Variants in ELMO1 observed in about 807,000 individuals in gnomAD.
ELMO1 encodes the protein engulfment and cell motility protein 1.
ELMO1 carries 26 observed loss-of-function variants against 98.9 expected under a neutral mutation model. The ratio of observed to expected loss-of-function variants is 0.26; its 90% CI spans 0.19 to 0.36. The LOEUF (loss-of-function observed/expected upper bound fraction) is 0.36, where lower values mean the gene tolerates loss of function less well. Among genes scored for constraint, ELMO1 ranks in the 10% least tolerant of loss-of-function variants. The pLI is 1.00. For synonymous variants in ELMO1, 346 were observed against 346.0 expected (o/e 1.00, Z 0.00); for missense variants, 627 against 935.2 (o/e 0.67, Z 4.30).
chr7:37,207,680 T>C (rs1034152878), intron 13 of ELMO1, among the ~76,000 whole-genome samples: 2 of 151,460 alleles, frequency 1.3e-5, no homozygotes, highest in Non-Finnish European at 2.9e-5. Context: ...TAGTGCCTCA[T>C]GCTTGTAATC....
intron 1 of ELMO1, among the ~76,000 whole-genome samples, chr7:37,412,291 C>T (rs558380886): frequency 1.3e-5 from 2 of 152,292 alleles, no homozygotes; most frequent in East Asian, 3.9e-4. Flanking sequence ...GGAGCCAGGG[C>T]GTTTGTGGGG....
At chr7:37,161,455 A>C (rs1789196620) in intron 13 of ELMO1, among the ~76,000 whole-genome samples, 1 of 152,108 alleles carries the variant, frequency 6.6e-6, no homozygotes, top group Non-Finnish European at 1.5e-5. Context: ...TGAATTAAAG[A>C]AGCAAAAGTC....
At chr7:37,123,371 A>T (rs530316239) in intron 14 of ELMO1, among the ~76,000 whole-genome samples, 4 of 152,334 alleles carry the variant, frequency 2.6e-5, no homozygotes, top group East Asian at 3.9e-4. Context: ...AAAGATCAAC[A>T]AAACTGATAG....
chr7:36,921,214 C>A (rs1269856719), intron 16 of ELMO1, among the ~76,000 whole-genome samples: 5 of 152,206 alleles, frequency 3.3e-5, no homozygotes, highest in African/African-American at 1.2e-4. Flanking sequence ...CTAAGGTACG[C>A]TGTGACAGTA....
At chr7:37,013,465 A>C (rs1251320192) in intron 15 of ELMO1, 30 bp from the exon 16 acceptor site, 1 of 1,611,590 alleles carries the variant, frequency 6.2e-7, no homozygotes, top group South Asian at 1.1e-5. Context: ...AATAAGAGAA[A>C]AAGTTTTAAA....
At chr7:37,116,395 T>C (rs1172664786) in intron 14 of ELMO1, among the ~76,000 whole-genome samples, 1 of 152,066 alleles carries the variant, frequency 6.6e-6, no homozygotes, top group Non-Finnish European at 1.5e-5. Flanking sequence ...ATGGACAATA[T>C]GGGCTGAATT....
chr7:37,139,721 A>T (rs1314074162), intron 13 of ELMO1, among the ~76,000 whole-genome samples: 1 of 152,186 alleles, frequency 6.6e-6, no homozygotes, highest in Non-Finnish European at 1.5e-5. Context: ...AATAATCCTA[A>T]AATTCATATG....
intron 4 of ELMO1, among the ~76,000 whole-genome samples, chr7:37,274,584 G>T (rs996644273): frequency 6.6e-6 from 1 of 152,060 alleles, no homozygotes; most frequent in Non-Finnish European, 1.5e-5. Context: ...AAGGAGTCTC[G>T]TTCTGTCACC....
chr7:37,430,253 C>T (rs1804875727), intron 1 of ELMO1, among the ~76,000 whole-genome samples: 2 of 152,202 alleles, frequency 1.3e-5, no homozygotes, highest in Admixed American at 6.5e-5. Flanking sequence ...GCCATCCCCA[C>T]CTGGGTTTCT....
chr7:37,324,798 G>C (rs533060697), intron 2 of ELMO1, among the ~76,000 whole-genome samples: 1 of 152,226 alleles, frequency 6.6e-6, no homozygotes, highest in East Asian at 1.9e-4. Flanking sequence ...GGCTGTTCTT[G>C]AACTCCTAGC....
chr7:37,036,513 G>A (rs1795182315), intron 15 of ELMO1, among the ~76,000 whole-genome samples: 2 of 152,150 alleles, frequency 1.3e-5, no homozygotes, highest in Non-Finnish European at 2.9e-5. Context: ...GGGATTGCAG[G>A]TAAGTGCCAC....
chr7:37,325,841 G>A (rs1013003712), intron 2 of ELMO1, among the ~76,000 whole-genome samples: 6 of 152,172 alleles, frequency 3.9e-5, no homozygotes, highest in African/African-American at 1.2e-4. Flanking sequence ...TGACTACAAC[G>A]TGTACAATGT....
intron 7 of ELMO1, among the ~76,000 whole-genome samples, chr7:37,237,004 T>C (rs1794502726): frequency 6.6e-6 from 1 of 152,244 alleles, no homozygotes; most frequent in African/African-American, 2.4e-5. Flanking sequence ...GGATTATTTG[T>C]ATTTTGTAAA....
At chr7:36,931,036 AG>A (rs1277498390) in intron 16 of ELMO1, among the ~76,000 whole-genome samples, 1 of 152,254 alleles carries the variant, frequency 6.6e-6, no homozygotes, top group Non-Finnish European at 1.5e-5. Context: ...TTGATAGTTA[AG>A]AAATGTAGTC....
intron 15 of ELMO1, among the ~76,000 whole-genome samples, chr7:37,056,985 A>G (rs1217141795): frequency 6.6e-6 from 1 of 152,210 alleles, no homozygotes; most frequent in Non-Finnish European, 1.5e-5. Context: ...TTCTTATCAA[A>G]AATGTCCAAC....
chr7:37,069,064 C>G (rs1241446042), intron 15 of ELMO1, among the ~76,000 whole-genome samples: 1 of 152,048 alleles, frequency 6.6e-6, no homozygotes, highest in Non-Finnish European at 1.5e-5. Flanking sequence ...GACAGTAGGA[C>G]ACTCCTTCAT....
intron 19 of ELMO1, among the ~76,000 whole-genome samples, chr7:36,873,443 C>T (rs956497570): frequency 1.3e-5 from 2 of 152,174 alleles, no homozygotes; most frequent in South Asian, 4.1e-4. Flanking sequence ...GAAGAACGCA[C>T]CCTCCCACCA....
In ELMO1 at chr7:36,894,841, C is replaced by T; in HGVS notation, c.1601+13G>A. The T allele has an allele frequency of 1.9e-6, 3 of 1,614,024 alleles. No homozygotes were observed. Among genetic ancestry groups the T allele is most frequent in the Non-Finnish European group, 2.5e-6 (3 of 1,179,950 alleles). On this transcript the variant is annotated intron_variant, in intron 17 of 21. Coordinates refer to ENST00000310758, the MANE Select transcript of ELMO1 (RefSeq NM_014800.11). ...GTCTTTTGGGAGATAGAAGTCAATA[C>T]TAGGTAACTTACAAAATCGGGCGGG...
At chr7:37,385,934 T>C (rs1445723673) in intron 1 of ELMO1, among the ~76,000 whole-genome samples, 1 of 152,218 alleles carries the variant, frequency 6.6e-6, no homozygotes, top group African/African-American at 2.4e-5. Flanking sequence ...TGTTACGTGC[T>C]CCACAGCTGA....
Sources: gnomAD v4.1 joint callset for allele counts (sites outside exome capture counted in the v4.1 genomes callset) on GRCh38, gnomAD v4.1.1 for gene constraint, MANE v1.5 for transcripts, NCBI Gene and HGNC (gene_info 2026-07-23, HGNC 2026-07-21) for gene names.